FTSJ3: variants seen among roughly 807,000 people sequenced by gnomAD.
The protein encoded by FTSJ3 is pre-rRNA 2'-O-ribose RNA methyltransferase FTSJ3.
FTSJ3 carries 46 observed loss-of-function variants against 111.5 expected under a neutral mutation model. The ratio of observed to expected loss-of-function variants is 0.41; its 90% CI spans 0.33 to 0.53. The LOEUF (loss-of-function observed/expected upper bound fraction) is 0.53. Ranked by LOEUF, FTSJ3 falls within the 20% of genes least tolerant of loss-of-function variation. FTSJ3 has a pLI of 0.19. For missense variants in FTSJ3, 1,075 were observed against 1,063.8 expected (o/e 1.01, Z -0.15); for synonymous variants, 408 against 383.0 (o/e 1.07, Z -0.76).
chr17:63,821,819 A>G lies in FTSJ3; in HGVS notation c.1500T>C (p.Asp500=), dbSNP rs748187091. The G allele has an allele frequency of 6.2e-7, 1 of 1,613,824 alleles. No homozygotes were observed. Among genetic ancestry groups the G allele is most frequent in the South Asian group, 1.1e-5 (1 of 91,068 alleles). ...QKRMRLTEVQ[D]DKEEEEEENP... ...TCTCCTCCTCCTCCTCCTCTTTATC[A>G]TCTTGCACTTCAGTAAGTCGCATAC... The change falls in exon 15 of 21, where the codon GAT becomes GAC. Residue 500 remains aspartate (D), a synonymous_variant. Coordinates refer to ENST00000427159, the MANE Select transcript of FTSJ3 (RefSeq NM_017647.4).
intron 13 of FTSJ3, among the ~76,000 whole-genome samples, chr17:63,822,551 A>G (rs905822514): frequency 6.6e-6 from 1 of 152,236 alleles, no homozygotes; most frequent in Non-Finnish European, 1.5e-5. Flanking sequence ...TTTCCACTGA[A>G]TAAAAGGGGC....
rs752318955 is a variant in FTSJ3 at position 63,821,810 on chromosome 17, CTCTTTATCA to C, written c.1500_1508del (p.Asp500_Lys502del). 16 of 1,614,116 alleles carry C rather than the reference CTCTTTATCA, an allele frequency of 9.9e-6. No individual in the cohort carries two copies. The highest frequency in any genetic ancestry group is 1.6e-4 in the Middle Eastern group (1 of 6,062). ...GCAGTGGATTCTCCTCCTCCTCCTC[CTCTTTATCA>C]TCTTGCACTTCAGTAAGTCGCATAC... On this transcript the variant is annotated inframe_deletion, in exon 15 of 21. Transcript: ENST00000427159.
At chr17:63,822,266 AAG>A in intron 13 of FTSJ3, 98 bp from the exon 14 acceptor site, 1 of 994,206 alleles carries the variant, frequency 1.0e-6, no homozygotes, top group Admixed American at 2.3e-5. Context: ...CAACACTAGA[AAG>A]AACACTGGCA....
At chr17:63,824,983 AC>A (rs1349766611) in intron 8 of FTSJ3, 54 bp from the exon 9 acceptor site, 2 of 1,581,218 alleles carry the variant, frequency 1.3e-6, no homozygotes. Context: ...TACCTGTAGG[AC>A]CCACCAGGCC....
In FTSJ3 at chr17:63,823,590, G is replaced by A. The variant is rs556347775; in HGVS notation, c.1290+227C>T. 170 of 431,828 alleles carry A rather than the reference G, an allele frequency of 3.9e-4. No homozygotes were observed. The East Asian group carries it at 4.0e-3, about 10-fold the overall frequency. The allele number at this position is 431,828 out of a possible 1,614,324, so 26.7% of individuals were successfully genotyped here. A position where few individuals can be genotyped will look rare whatever the true frequency, so the allele number is the denominator to read the frequency against. ...AGCCTGGGCAACAGAGCAAGACTCC[G>A]TCTCAAAAAAAAAAAAAATAAATCT... On this transcript the variant is annotated intron_variant, in intron 13 of 20. Coordinates refer to ENST00000427159, the MANE Select transcript of FTSJ3 (RefSeq NM_017647.4).
At chr17:63,822,711 T>C (rs111643052) in intron 13 of FTSJ3, among the ~76,000 whole-genome samples, 3,636 of 152,182 alleles carry the variant, frequency 0.024, 82 homozygotes, top group Non-Finnish European at 0.031. Flanking sequence ...GATTGCTTGA[T>C]GCCAGGAGTT....
chr17:63,823,936 A>G lies in FTSJ3; in HGVS notation c.1171T>C (p.Leu391=), dbSNP rs1369554983. ...AELKRKKKKL[L]REQRKQRERV... ...TCCCGCTGCTTTCTCTGCTCACGCA[A>G]CAGCTTCTTTTTCTTCCTGAGGGGG... Residue 391 remains leucine (L), a synonymous_variant, in exon 13 of 21, where the codon TTG becomes CTG. Coordinates refer to ENST00000427159, the MANE Select transcript of FTSJ3 (RefSeq NM_017647.4). The G allele has an allele frequency of 4.3e-6, 7 of 1,614,204 alleles. No individual in the cohort carries two copies. The highest frequency in any genetic ancestry group is 5.1e-6 in the Non-Finnish European group (6 of 1,180,038).
chr17:63,822,221 T>G, intron 13 of FTSJ3, 53 bp from the exon 14 acceptor site: 1 of 1,512,656 alleles, frequency 6.6e-7, no homozygotes, highest in Middle Eastern at 1.7e-4. Context: ...TATACTGTTT[T>G]TTTTTCTGTG....
intron 2 of FTSJ3, 44 bp from the exon 3 acceptor site, chr17:63,826,716 T>C (rs749763475): frequency 6.3e-7 from 1 of 1,577,550 alleles, no homozygotes; most frequent in Non-Finnish European, 8.7e-7. Flanking sequence ...ACTAGTAGGA[T>C]TTCTCCGGCC....
At position 63,821,739 on chromosome 17, in the gene FTSJ3, T is replaced by C. The variant is rs1200384244; in HGVS notation, c.1580A>G (p.Asn527Ser). Residue 527 changes from asparagine to serine, a missense_variant, in exon 15 of 21, where the codon AAC (asparagine) becomes AGC (serine). Asn to Ser is a conservative substitution (Grantham distance 46). Around this residue, in one of 2 missense-constraint regions of FTSJ3, gnomAD observed 867 missense variants for 796.9 expected, o/e 1.09. Transcript: ENST00000427159. ...EKAVLQEEQA[N>S]LWFSKGSFAG... is the part of the protein sequence containing the mutation. Reference sequence around the variant, plus strand: ...TCTCCTTACCTTTGAGAACCACAGGTTGGCTTGTTCTTCCTGCAGTACTGC... The same window carrying C: ...TCTCCTTACCTTTGAGAACCACAGGCTGGCTTGTTCTTCCTGCAGTACTGC... 9 of 1,614,170 alleles carry C rather than the reference T, an allele frequency of 5.6e-6. No individual in the cohort carries two copies. In the South Asian group the frequency reaches 9.9e-5, roughly 18 times the overall value.
At position 63,820,333 on chromosome 17, in the gene FTSJ3, A is replaced by G; in HGVS notation, c.2178T>C (p.His726=). The change falls in exon 19 of 21, where the codon CAT becomes CAC. Residue 726 remains histidine (H), a synonymous_variant. Transcript: ENST00000427159. ...QLPVGKKEVE[H]YRKRWREINA... ...TGATTTCCCGCCAGCGTTTCCGGTA[A>G]TGCTCCACCTCCTTCTTACCAACAG... 1 of 1,613,760 alleles carries G rather than the reference A, an allele frequency of 6.2e-7. No individual in the cohort carries two copies. Among genetic ancestry groups the G allele is most frequent in the Non-Finnish European group, 8.5e-7 (1 of 1,179,974 alleles).
At chr17:63,821,896 C>G in intron 14 of FTSJ3, 53 bp from the exon 15 acceptor site, 3 of 1,613,740 alleles carry the variant, frequency 1.9e-6, no homozygotes, top group Non-Finnish European at 2.5e-6. Context: ...GCCTGGAGCC[C>G]TTGCTGCCCT....
chr17:63,827,454 C>A lies in FTSJ3; in HGVS notation c.-429G>T. The A allele has an allele frequency of 6.4e-7, 1 of 1,551,750 alleles. No homozygotes were observed. The highest frequency in any genetic ancestry group is 1.4e-5 in the African/African-American group (1 of 73,190). ...CCGCTTCCGCGCTTGCGCGCCAAGA[C>A]GGCTCGGATGCCGGCGGTCTCTGCT... On this transcript the variant is annotated 5_prime_UTR_variant, in exon 1 of 21. Coordinates refer to ENST00000427159, the MANE Select transcript of FTSJ3 (RefSeq NM_017647.4).
rs1368914397 is a variant in FTSJ3, at chr17:63,821,568, G to A, written c.1672C>T (p.Arg558Trp). Residue 558 changes from arginine to tryptophan, a missense_variant, in exon 16 of 21, where the codon CGG becomes TGG. Transcript: ENST00000427159. ...TGCTGCTGCTGCCGTCCCTTCCGCC[G>A]GTTCTCAAATAACAGCTGGGCCTGA... ...ISQAQLLFEN[R>W]RKGRQQQQKQ... 1.8e-5 allele frequency: 29 copies of A among 1,613,902 alleles called. No homozygotes were observed. The highest frequency in any genetic ancestry group is 2.3e-5 in the Non-Finnish European group (27 of 1,180,032).
rs1280358736 is a variant in FTSJ3, at chr17:63,824,322, TCTC to T, written c.998+6_998+8del. 5.0e-6 allele frequency: 8 copies of T among 1,614,082 alleles called. No homozygotes were observed. The highest frequency in any genetic ancestry group is 2.2e-5 in the East Asian group (1 of 44,900). ...AGTCCACACCTGCCTCGCTGCGTTC[TCTC>T]CTCACCTGATGTCCAGTGCCTTTGC... On this transcript the variant is annotated splice_donor_region_variant and intron_variant, in intron 11 of 20. Transcript: ENST00000427159.
At position 63,821,843 on chromosome 17, in the gene FTSJ3, A is replaced by G; in HGVS notation, c.1476T>C (p.Arg492=). 1 of 1,613,978 alleles carries G rather than the reference A, an allele frequency of 6.2e-7. No homozygotes were observed. Among genetic ancestry groups the G allele is most frequent in the Non-Finnish European group, 8.5e-7 (1 of 1,180,010 alleles). The change falls in exon 15 of 21, where the codon CGT becomes CGC. Residue 492 remains arginine, a splice_region_variant and synonymous_variant. Transcript: ENST00000427159. ...RGHQGLRDQK[R]MRLTEVQDDK... The stretch of plus-strand genomic sequence containing the variant: ...CATCTTGCACTTCAGTAAGTCGCAT[A>G]CTGTAGACCCAAAGGAAAGTAGGGG...
chr17:63,820,802 C>T (rs371486359), intron 18 of FTSJ3, 37 bp downstream of exon 18: 1 of 1,482,650 alleles, frequency 6.7e-7, no homozygotes, highest in African/African-American at 1.4e-5. Flanking sequence ...ACCCACCAGA[C>T]CCTGGGTCAC....
At chr17:63,825,928 C>G (rs537743573) in intron 5 of FTSJ3, 128 bp downstream of exon 5, 2 of 767,882 alleles carry the variant, frequency 2.6e-6, no homozygotes, top group East Asian at 4.9e-5. Flanking sequence ...TGCCATAGGT[C>G]TTGTCGTACA....
At position 63,827,290 on chromosome 17, in the gene FTSJ3, A is replaced by C. The variant is rs1598352325; in HGVS notation, c.-265T>G. 1.5e-6 allele frequency: 1 copy of C among 651,848 alleles called. No homozygotes were observed. The allele number at this position is 651,848 out of a possible 1,614,324, so 40.4% of individuals were successfully genotyped here. On this transcript the variant is annotated 5_prime_UTR_variant, in exon 1 of 21. It removes the in-frame stop codon of an upstream open reading frame in the 5' UTR. Coordinates refer to ENST00000427159, the MANE Select transcript of FTSJ3 (RefSeq NM_017647.4). ...TGAGGCAACACTGAGGAGGAGTTCT[A>C]CTCCTTCCTCATCCCCTTCCAAAGC...
Sources: allele counts gnomAD v4.1 joint callset (sites outside exome capture counted in the v4.1 genomes callset), GRCh38; gene constraint gnomAD v4.1.1; regional missense constraint gnomAD v4.1.1; transcripts MANE v1.5; gene names NCBI Gene and HGNC (gene_info 2026-07-23, HGNC 2026-07-21).